The following LOXHD1 variants were observed in gnomAD, a reference collection of about 807,000 sequenced individuals.
LOXHD1 encodes the protein lipoxygenase homology PLAT domains 1.
In LOXHD1, 205 loss-of-function variants were observed where a neutral mutation model predicts 248.2. The ratio of observed to expected loss-of-function variants is 0.83; its 90% CI spans 0.74 to 0.93. The LOEUF (loss-of-function observed/expected upper bound fraction) is 0.93. LOXHD1 is among the 40% of genes least tolerant of loss of function. The pLI is 0.00. For missense variants in LOXHD1, 2,930 were observed against 2,971.6 expected, an observed-to-expected ratio of 0.99 and a Z score of 0.33; for synonymous variants, 1,113 against 1,162.8, an observed-to-expected ratio of 0.96 and a Z score of 0.87.
intron 31 of LOXHD1, among the ~76,000 whole-genome samples, chr18:46,523,145 C>G (rs2035661291): frequency 6.6e-6 from 1 of 152,124 alleles, no homozygotes; most frequent in Admixed American, 6.6e-5. Context: ...TGGGGTTTCT[C>G]CATGTTGGTC....
intron 21 of LOXHD1, among the ~76,000 whole-genome samples, chr18:46,547,922 T>A (rs780502274): frequency 1.3e-5 from 2 of 152,240 alleles, no homozygotes; most frequent in Non-Finnish European, 2.9e-5. Flanking sequence ...AAATTCAAAC[T>A]TAACTGGCAA....
chr18:46,588,390 C>T (rs1433938373), intron 12 of LOXHD1, among the ~76,000 whole-genome samples: 1 of 152,166 alleles, frequency 6.6e-6, no homozygotes, highest in Admixed American at 6.5e-5. Flanking sequence ...TTATTTTTCT[C>T]CTTGAAATGA....
chr18:46,598,315 AAATCT>A (rs773591955), intron 8 of LOXHD1, among the ~76,000 whole-genome samples: 4 of 152,158 alleles, frequency 2.6e-5, no homozygotes, highest in African/African-American at 9.7e-5. Flanking sequence ...GGAATTTTAC[AAATCT>A]AATCTAAGAA....
Position 46,485,116 on chromosome 18 carries a change from C to T in LOXHD1, c.6085G>A (p.Glu2029Lys), listed in dbSNP as rs754991348. The T allele has an allele frequency of 1.4e-5, 21 of 1,549,754 alleles. No homozygotes were observed. Among genetic ancestry groups the T allele is most frequent in the African/African-American group, 8.3e-5 (6 of 72,426 alleles). ...ATGAGCCAGACGTTCTCCCTGGTTT[C>T]GCCTCCGTTGCCCGTTTCTATGACG... ...EIVIETGNGG[E>K]TRENVWLILE... Residue 2029 changes from glutamate to lysine, a missense_variant, in exon 39 of 41, where the codon GAA (glutamate) becomes AAA (lysine). Glu to Lys is a moderately conservative substitution (Grantham distance 56). Transcript: ENST00000642948.
At chr18:46,602,315 C>T (rs1387357371) in intron 7 of LOXHD1, among the ~76,000 whole-genome samples, 5 of 152,106 alleles carry the variant, frequency 3.3e-5, no homozygotes, top group African/African-American at 7.2e-5. Flanking sequence ...AAGCGATTCT[C>T]GTGTCTCAGC....
At chr18:46,580,470 G>A (rs2037941244) in intron 12 of LOXHD1, among the ~76,000 whole-genome samples, 1 of 152,170 alleles carries the variant, frequency 6.6e-6, no homozygotes, top group African/African-American at 2.4e-5. Flanking sequence ...CTGTGGAGGG[G>A]GTAGACCTGC....
In LOXHD1 at chr18:46,477,359, CT is replaced by C. The variant is rs1270506318; in HGVS notation, c.*112del. The C allele has an allele frequency of 7.0e-7, 1 of 1,436,894 alleles. No homozygotes were observed. Among genetic ancestry groups the C allele is most frequent in the East Asian group, 2.5e-5 (1 of 40,374 alleles). The allele number at this position is 1,436,894 out of a possible 1,614,324, so 89.0% of individuals were successfully genotyped here. A position where few individuals can be genotyped will look rare whatever the true frequency, so the allele number is the denominator to read the frequency against. ...AGGACCCCATGAAGTTCTCAGTGGA[CT>C]GCTAGCCCCCAGTGCCAATGCTAGA... On this transcript the variant is annotated 3_prime_UTR_variant, in exon 41 of 41. Transcript: ENST00000642948.
chr18:46,507,198 A>G (rs990664846), intron 36 of LOXHD1, among the ~76,000 whole-genome samples: 2 of 152,244 alleles, frequency 1.3e-5, no homozygotes, highest in Non-Finnish European at 2.9e-5. Context: ...GGGTCCGAGC[A>G]TGCCTGAGGT....
At chr18:46,496,615 A>T (rs973936393) in intron 37 of LOXHD1, among the ~76,000 whole-genome samples, 1 of 152,216 alleles carries the variant, frequency 6.6e-6, no homozygotes, top group Non-Finnish European at 1.5e-5. Flanking sequence ...CCATCTCTGG[A>T]GGAGAAAGTT....
At chr18:46,631,664 C>T (rs913631792) in intron 4 of LOXHD1, among the ~76,000 whole-genome samples, 1 of 152,152 alleles carries the variant, frequency 6.6e-6, no homozygotes. Context: ...ACAGAAGATC[C>T]GCAGTTTCCT....
intron 16 of LOXHD1, among the ~76,000 whole-genome samples, chr18:46,569,158 A>G (rs922800730): frequency 6.6e-6 from 1 of 152,190 alleles, no homozygotes; most frequent in Non-Finnish European, 1.5e-5. Flanking sequence ...GGTAAATAAA[A>G]TGTTGAGGCA....
At position 46,591,626 on chromosome 18, in the gene LOXHD1, CTT is replaced by C. The variant is rs143824078; in HGVS notation, c.1654+305_1654+306del. Among the ~76,000 whole-genome samples, 1,279 of 152,294 alleles carry C rather than the reference CTT, an allele frequency of 8.4e-3. 29 individuals are homozygous for C. Among genetic ancestry groups the C allele is most frequent in the African/African-American group, 0.03 (1,237 of 41,546 alleles). Reference sequence around the variant, plus strand: ...TTTGAGGGGAGCAAGAGGATATTTCCTTTCAAGGAGGCTCTGGAGAACTATTG... The same window carrying C: ...TTTGAGGGGAGCAAGAGGATATTTCCTCAAGGAGGCTCTGGAGAACTATTG... On this transcript the variant is annotated intron_variant, in intron 12 of 40. Coordinates refer to ENST00000642948, the MANE Select transcript of LOXHD1 (RefSeq NM_001384474.1).
chr18:46,528,875 A>G (rs957745912), intron 29 of LOXHD1, among the ~76,000 whole-genome samples: 5 of 152,022 alleles, frequency 3.3e-5, no homozygotes, highest in Non-Finnish European at 7.4e-5. Flanking sequence ...AGTGAACTGG[A>G]TTTTCTGAAG....
In LOXHD1 at chr18:46,563,242, A is replaced by C. The variant is rs2037567775; in HGVS notation, c.2438-17T>G. 1 of 1,481,982 alleles carries C rather than the reference A, an allele frequency of 6.7e-7. No individual in the cohort carries two copies. The highest frequency in any genetic ancestry group is 2.5e-5 in the East Asian group (1 of 39,640). 91.8% of individuals were successfully genotyped at this position (1,481,982 alleles called of 1,614,324 possible). A position where few individuals can be genotyped will look rare whatever the true frequency, so the allele number is the denominator to read the frequency against. On this transcript the variant is annotated splice_polypyrimidine_tract_variant and intron_variant, in intron 17 of 40. Coordinates refer to ENST00000642948, the MANE Select transcript of LOXHD1 (RefSeq NM_001384474.1). ...AGTGGACCACTGGGTGGGCACGTGCAGAAGAAGTGGAACATTTAGTAATAA... is the reference window on the plus strand; with the variant it reads ...AGTGGACCACTGGGTGGGCACGTGCCGAAGAAGTGGAACATTTAGTAATAA...
At chr18:46,656,784 G>T in intron 1 of LOXHD1, 120 bp downstream of exon 1, 2 of 1,142,710 alleles carry the variant, frequency 1.8e-6, no homozygotes, top group Non-Finnish European at 2.5e-6. Context: ...AGACACATGG[G>T]ATAATCAGTG....
At position 46,482,904 on chromosome 18, in the gene LOXHD1, C is replaced by T. The variant is rs139420823; in HGVS notation, c.6341+683G>A. On this transcript the variant is annotated intron_variant, in intron 40 of 40. Coordinates refer to ENST00000642948, the MANE Select transcript of LOXHD1 (RefSeq NM_001384474.1). ...TTTGGCAAGCCTTGATCTTGGATTC[C>T]CCTTTCCACCCTCCCCTGGCTCCTT... 4.4e-4 allele frequency among the ~76,000 whole-genome samples: 67 copies of T among 152,330 alleles called. 3 individuals are homozygous for T. The highest frequency in any genetic ancestry group is 1.6e-3 in the African/African-American group (66 of 41,578).
intron 37 of LOXHD1, among the ~76,000 whole-genome samples, chr18:46,489,609 G>T (rs775245334): frequency 1.3e-5 from 2 of 152,096 alleles, no homozygotes; most frequent in African/African-American, 4.8e-5. Context: ...ATCAGTTCAG[G>T]TGTCAGCTCC....
chr18:46,581,839 A>G (rs914986393), intron 12 of LOXHD1, among the ~76,000 whole-genome samples: 5 of 152,362 alleles, frequency 3.3e-5, no homozygotes, highest in African/African-American at 1.2e-4. Flanking sequence ...GGGATGCTCA[A>G]TACAATTAAC....
At chr18:46,546,103 C>G (rs967684296) in intron 22 of LOXHD1, among the ~76,000 whole-genome samples, 11 of 152,026 alleles carry the variant, frequency 7.2e-5, no homozygotes, top group Non-Finnish European at 1.6e-4. Context: ...AGAGGCTCAG[C>G]AGCCAGGAGC....
Sources: allele counts gnomAD v4.1 joint callset (sites outside exome capture counted in the v4.1 genomes callset), GRCh38; gene constraint gnomAD v4.1.1; transcripts MANE v1.5; gene names NCBI Gene and HGNC (gene_info 2026-07-23, HGNC 2026-07-21).